UBE2E2: variants seen among roughly 807,000 people sequenced by gnomAD.
UBE2E2 encodes the protein ubiquitin conjugating enzyme E2 E2.
A neutral mutation model predicts 24.7 loss-of-function variants in UBE2E2; 6 were observed. That is an observed-to-expected ratio of 0.24 (90% CI 0.13 to 0.48). The LOEUF is 0.48. Ranked by LOEUF, UBE2E2 falls within the 20% of genes least tolerant of loss-of-function variation. The pLI is 0.99. For synonymous variants in UBE2E2, 104 were observed against 83.6 expected, an observed-to-expected ratio of 1.24 and a Z score of -1.33; for missense variants, 169 against 245.0, an observed-to-expected ratio of 0.69 and a Z score of 2.07.
intron 5 of UBE2E2, among the ~76,000 whole-genome samples, chr3:23,551,149 A>C (rs1442039842): frequency 6.6e-6 from 1 of 152,216 alleles, no homozygotes; most frequent in Non-Finnish European, 1.5e-5. Flanking sequence ...AACACTCAAC[A>C]ACATAAAAAT....
At chr3:23,380,570 A>G (rs1003209361) in intron 3 of UBE2E2, among the ~76,000 whole-genome samples, 25 of 152,164 alleles carry the variant, frequency 1.6e-4, no homozygotes, top group African/African-American at 5.6e-4. Context: ...CCTTCTGCTC[A>G]TATTTAATGC....
chr3:23,422,614 A>G (rs1168816990), intron 3 of UBE2E2, among the ~76,000 whole-genome samples: 1 of 152,226 alleles, frequency 6.6e-6, no homozygotes, highest in East Asian at 1.9e-4. Flanking sequence ...GGCTTTGAAG[A>G]AACCAGAGAG....
At chr3:23,570,705 G>T (rs981707513) in intron 5 of UBE2E2, among the ~76,000 whole-genome samples, 1 of 152,298 alleles carries the variant, frequency 6.6e-6, no homozygotes, top group Non-Finnish European at 1.5e-5. Context: ...TAACATGACT[G>T]TTGGGTGATA....
intron 3 of UBE2E2, among the ~76,000 whole-genome samples, chr3:23,435,283 A>C (rs1002045491): frequency 6.6e-6 from 1 of 152,250 alleles, no homozygotes; most frequent in East Asian, 1.9e-4. Flanking sequence ...ACAACACACA[A>C]TAATAACTGC....
chr3:23,263,032 C>T (rs1697944940), intron 3 of UBE2E2, among the ~76,000 whole-genome samples: 1 of 152,042 alleles, frequency 6.6e-6, no homozygotes, highest in Non-Finnish European at 1.5e-5. Flanking sequence ...GAAAAGCAGG[C>T]AGAAGTTGCT....
chr3:23,306,536 A>G (rs1699240826), intron 3 of UBE2E2, among the ~76,000 whole-genome samples: 1 of 152,246 alleles, frequency 6.6e-6, no homozygotes, highest in Admixed American at 6.5e-5. Flanking sequence ...GATAACAATA[A>G]GATTCCAATC....
At chr3:23,540,457 T>C (rs1473406712) in intron 5 of UBE2E2, among the ~76,000 whole-genome samples, 4 of 152,058 alleles carry the variant, frequency 2.6e-5, no homozygotes, top group African/African-American at 4.8e-5. Flanking sequence ...CAGGCTGCAG[T>C]GCAATGGTGC....
At chr3:23,413,474 T>G (rs1179546872) in intron 3 of UBE2E2, among the ~76,000 whole-genome samples, 4 of 152,174 alleles carry the variant, frequency 2.6e-5, no homozygotes, top group Non-Finnish European at 5.9e-5. Flanking sequence ...TGTCCCTGCC[T>G]TTCCCTGCAG....
At chr3:23,250,799 T>C (rs1697554227) in intron 3 of UBE2E2, among the ~76,000 whole-genome samples, 1 of 152,234 alleles carries the variant, frequency 6.6e-6, no homozygotes, top group Admixed American at 6.5e-5. Context: ...ACTTCAATTA[T>C]AGTAACTTTA....
chr3:23,527,612 T>C (rs1031438752), intron 4 of UBE2E2, among the ~76,000 whole-genome samples: 2 of 152,144 alleles, frequency 1.3e-5, no homozygotes, highest in African/African-American at 4.8e-5. Context: ...GGTTGGAACT[T>C]TCAGCCCCTT....
chr3:23,304,271 C>A (rs1575547437), intron 3 of UBE2E2, among the ~76,000 whole-genome samples: 1 of 152,058 alleles, frequency 6.6e-6, no homozygotes, highest in East Asian at 1.9e-4. Context: ...AACATAGAGA[C>A]CTTTTAAGTT....
intron 3 of UBE2E2, among the ~76,000 whole-genome samples, chr3:23,317,097 T>TTA (rs1344592228): frequency 1.3e-5 from 2 of 152,196 alleles, no homozygotes; most frequent in Non-Finnish European, 2.9e-5. Context: ...ATACGCTCCT[T>TTA]TAGCCTCCTT....
intron 5 of UBE2E2, among the ~76,000 whole-genome samples, chr3:23,562,246 A>G (rs1421604939): frequency 6.6e-6 from 1 of 152,080 alleles, no homozygotes; most frequent in Non-Finnish European, 1.5e-5. Context: ...ACGTCCCATC[A>G]ATACCTAATT....
intron 5 of UBE2E2, among the ~76,000 whole-genome samples, chr3:23,574,689 C>G (rs746769611): frequency 2.0e-5 from 3 of 152,148 alleles, no homozygotes; most frequent in Non-Finnish European, 4.4e-5. Flanking sequence ...TGATTAGGCA[C>G]TGCACTTCAT....
chr3:23,382,862 A>AT, intron 3 of UBE2E2, among the ~76,000 whole-genome samples: 1 of 152,178 alleles, frequency 6.6e-6, no homozygotes, highest in African/African-American at 2.4e-5. Context: ...GAAGGGAATG[A>AT]CAGTTTTTAA....
At chr3:23,528,075 A>T (rs1292651300) in intron 4 of UBE2E2, among the ~76,000 whole-genome samples, 1 of 152,212 alleles carries the variant, frequency 6.6e-6, no homozygotes, top group Non-Finnish European at 1.5e-5. Flanking sequence ...CTAAACCTGT[A>T]GGTTCTGACT....
At position 23,571,987 on chromosome 3, in the gene UBE2E2, A is replaced by G. The variant is rs552384001; in HGVS notation, c.509-17747A>G. ...GAGCTGGCAGAGCCAGCTTATCTTA[A>G]TAAGTCCTGAGGGAGATATTAATGT... On this transcript the variant is annotated intron_variant, in intron 5 of 5. Coordinates refer to ENST00000396703, the MANE Select transcript of UBE2E2 (RefSeq NM_152653.4). 9.2e-5 allele frequency among the ~76,000 whole-genome samples: 14 copies of G among 152,304 alleles called. No individual in the cohort carries two copies. The South Asian group carries it at 2.7e-3, about 29-fold the overall frequency.
chr3:23,277,820 A>G (rs1698404227), intron 3 of UBE2E2, among the ~76,000 whole-genome samples: 1 of 152,116 alleles, frequency 6.6e-6, no homozygotes, highest in Admixed American at 6.5e-5. Flanking sequence ...TGATGTGCTG[A>G]GAATCCCTAT....
At chr3:23,358,615 T>G (rs1696031510) in intron 3 of UBE2E2, among the ~76,000 whole-genome samples, 1 of 152,250 alleles carries the variant, frequency 6.6e-6, no homozygotes, top group Non-Finnish European at 1.5e-5. Flanking sequence ...GGTCTACAAT[T>G]ATAAATTACA....
Sources: allele counts gnomAD v4.1 joint callset (sites outside exome capture counted in the v4.1 genomes callset), GRCh38; gene constraint gnomAD v4.1.1; transcripts MANE v1.5; gene names NCBI Gene and HGNC (gene_info 2026-07-23, HGNC 2026-07-21).